Variants in EFR3B observed in about 807,000 individuals in gnomAD.
EFR3B encodes the protein protein EFR3 homolog B.
EFR3B carries 64 observed loss-of-function variants against 104.7 expected under a neutral mutation model. The ratio of observed to expected loss-of-function variants is 0.61; its 90% CI spans 0.50 to 0.75. The LOEUF is 0.75. Among genes scored for constraint, EFR3B ranks in the 30% least tolerant of loss-of-function variants. The pLI is 0.00. For synonymous variants in EFR3B, 385 were observed against 417.9 expected, an observed-to-expected ratio of 0.92 and a Z score of 0.96; for missense variants, 750 against 1,078.5, an observed-to-expected ratio of 0.70 and a Z score of 4.27.
Position 25,130,440 on chromosome 2 carries a change from G to A in EFR3B, c.771-112G>A, listed in dbSNP as rs1299898922. On this transcript the variant is annotated intron_variant, in intron 7 of 22. Coordinates refer to ENST00000403714, the MANE Select transcript of EFR3B (RefSeq NM_014971.2). The surrounding 1 kb of genome is among the most constrained non-coding windows in gnomAD (Gnocchi z 4.6). ...CCCTTCAGGCTTCACTTCCTCACCC[G>A]GGAACTGTGCGAGGGGCTCTGAGAA... 8 of 1,002,952 alleles carry A rather than the reference G, an allele frequency of 8.0e-6. No individual in the cohort carries two copies. The highest frequency in any genetic ancestry group is 2.0e-4 in the Middle Eastern group (1 of 4,956). 62.1% of individuals were successfully genotyped at this position (1,002,952 alleles called of 1,614,324 possible). A position where few individuals can be genotyped will look rare whatever the true frequency, so the allele number is the denominator to read the frequency against.
intron 4 of EFR3B, among the ~76,000 whole-genome samples, chr2:25,108,715 T>C (rs1669633783): frequency 6.6e-6 from 1 of 152,180 alleles, no homozygotes; most frequent in Admixed American, 6.5e-5. Flanking sequence ...ATTTAAAACT[T>C]TGTCTGGGCA....
At chr2:25,127,467 A>G (rs910821646) in intron 5 of EFR3B, among the ~76,000 whole-genome samples, 2 of 152,344 alleles carry the variant, frequency 1.3e-5, no homozygotes, top group Admixed American at 6.5e-5. Flanking sequence ...CAAAGATAAC[A>G]GTGGTAGTGG....
intron 20 of EFR3B, among the ~76,000 whole-genome samples, chr2:25,150,502 GACA>G (rs547470804): frequency 7.0e-4 from 107 of 152,118 alleles, no homozygotes; most frequent in African/African-American, 2.3e-3. Flanking sequence ...TGGATCATTG[GACA>G]ACAACAGATT....
Position 25,129,970 on chromosome 2 carries a change from C to T in EFR3B, c.636-5C>T. ...CCCTCTACCCATGTGCCTCTGTCTC[C>T]CCAGCCGGTCTCCCTCACCCCTCCA... On this transcript the variant is annotated splice_region_variant and splice_polypyrimidine_tract_variant and intron_variant, in intron 6 of 22. Transcript: ENST00000403714. 1 of 1,551,396 alleles carries T rather than the reference C, an allele frequency of 6.4e-7. No individual in the cohort carries two copies.
chr2:25,099,368 C>A (rs532280650), intron 3 of EFR3B, among the ~76,000 whole-genome samples: 1 of 151,998 alleles, frequency 6.6e-6, no homozygotes, highest in Non-Finnish European at 1.5e-5. Context: ...CTCCCATTCA[C>A]CAGAGGAGCT....
In EFR3B at chr2:25,144,972, T is replaced by C; in HGVS notation, c.2063T>C (p.Leu688Ser). 1 of 1,551,722 alleles carries C rather than the reference T, an allele frequency of 6.4e-7. No homozygotes were observed. Among genetic ancestry groups the C allele is most frequent in the Non-Finnish European group, 8.7e-7 (1 of 1,147,000 alleles). Reference sequence around the variant, plus strand: ...GCTTCTTCCCCAGATGAGGATCGTTTATCCAAGAGGAGGAGCATTGGAGAG... The same window carrying C: ...GCTTCTTCCCCAGATGAGGATCGTTCATCCAAGAGGAGGAGCATTGGAGAG... ...YIPQLTDEDR[L>S]SKRRSIGETI... The change falls in exon 19 of 23, where the codon TTA becomes TCA. Residue 688 changes from leucine (L) to serine (S), a missense_variant. Physicochemically the swap from Leu to Ser is moderately radical, Grantham distance 145. Coordinates refer to ENST00000403714, the MANE Select transcript of EFR3B (RefSeq NM_014971.2).
intron 1 of EFR3B, among the ~76,000 whole-genome samples, chr2:25,083,347 G>C (rs1475357698): frequency 6.6e-6 from 1 of 152,170 alleles, no homozygotes; most frequent in African/African-American, 2.4e-5. Context: ...GCATATAGTT[G>C]TGAGTTAAAC....
At chr2:25,098,007 C>T (rs1374321920) in intron 3 of EFR3B, among the ~76,000 whole-genome samples, 1 of 152,108 alleles carries the variant, frequency 6.6e-6, no homozygotes, top group Non-Finnish European at 1.5e-5. Flanking sequence ...GGCCCTGGAG[C>T]TGACCCAGTG....
At position 25,042,746 on chromosome 2, in the gene EFR3B, G is replaced by C. The variant is rs1469265975; in HGVS notation, c.7+427G>C. On this transcript the variant is annotated intron_variant, in intron 1 of 22. Transcript: ENST00000403714. The surrounding 1 kb of genome is among the most constrained non-coding windows in gnomAD (Gnocchi z 5.4). Reference sequence around the variant, plus strand: ...CGCGGCCGGTCGTCTGCGCGGCTCGGAGAAGGCGGGAGGCGGCGCCGGCGG... The same window carrying C: ...CGCGGCCGGTCGTCTGCGCGGCTCGCAGAAGGCGGGAGGCGGCGCCGGCGG... The C allele has an allele frequency of 2.1e-6, 2 of 971,432 alleles. No individual in the cohort carries two copies. Among genetic ancestry groups the C allele is most frequent in the Non-Finnish European group, 2.5e-6 (2 of 816,092 alleles). The allele number at this position is 971,432 out of a possible 1,614,324, so 60.2% of individuals were successfully genotyped here.
intron 1 of EFR3B, among the ~76,000 whole-genome samples, chr2:25,070,388 A>C (rs1227889847): frequency 1.3e-5 from 2 of 152,044 alleles, no homozygotes; most frequent in African/African-American, 4.8e-5. Context: ...CAATCTCCTG[A>C]GTAGCTGGGA....
At position 25,058,776 on chromosome 2, in the gene EFR3B, A is replaced by C. The variant is rs759494686; in HGVS notation, c.7+16457A>C. Reference sequence around the variant, plus strand: ...TCTGTCTCCCCGCGCCCCCCCCCCCAAAAAAAAAAACAATAACCAAGTGTT... The same window carrying C: ...TCTGTCTCCCCGCGCCCCCCCCCCCCAAAAAAAAAACAATAACCAAGTGTT... On this transcript the variant is annotated intron_variant, in intron 1 of 22. Transcript: ENST00000403714. Among the ~76,000 whole-genome samples, 631 of 78,566 alleles carry C rather than the reference A, an allele frequency of 8.0e-3. 13 individuals are homozygous for C. Among genetic ancestry groups the C allele is most frequent in the African/African-American group, 0.035 (534 of 15,450 alleles). 51.5% of individuals were successfully genotyped at this position (78,566 alleles called of 152,430 possible). A position where few individuals can be genotyped will look rare whatever the true frequency, so the allele number is the denominator to read the frequency against.
chr2:25,046,035 G>A (rs1231502470), intron 1 of EFR3B, among the ~76,000 whole-genome samples: 2 of 152,090 alleles, frequency 1.3e-5, no homozygotes, highest in African/African-American at 2.4e-5. Flanking sequence ...AATGCCTCTC[G>A]TCCCGCTTAG....
chr2:25,119,160 G>A (rs553838505), intron 4 of EFR3B, among the ~76,000 whole-genome samples: 1 of 152,266 alleles, frequency 6.6e-6, no homozygotes, highest in East Asian at 1.9e-4. Context: ...AGTAGACATA[G>A]TATATATTTT....
intron 3 of EFR3B, 128 bp from the exon 4 acceptor site, chr2:25,103,509 G>T: frequency 7.6e-7 from 1 of 1,307,234 alleles, no homozygotes. Context: ...GACGTTGGCA[G>T]CCTGTGGGGG....
At chr2:25,124,277 A>AGT (rs5829961) in intron 5 of EFR3B, among the ~76,000 whole-genome samples, 11,211 of 124,170 alleles carry the variant, frequency 0.09, 666 homozygotes, top group Non-Finnish European at 0.12. Flanking sequence ...TGTGCATGCA[A>AGT]GTGTGTGTGT....
rs1669798059 is a variant in EFR3B, at chr2:25,114,123, G to T, written c.364-7550G>T. Among the ~76,000 whole-genome samples, 1 of 152,116 alleles carries T rather than the reference G, an allele frequency of 6.6e-6. No individual in the cohort carries two copies. The highest frequency in any genetic ancestry group is 2.4e-5 in the African/African-American group (1 of 41,406). ...ATTTCAAGGTGGACTTCCGCAATAG[G>T]TGTGGTCCTTTGACCAGGGCCCCCG... On this transcript the variant is annotated intron_variant, in intron 4 of 22. Coordinates refer to ENST00000403714, the MANE Select transcript of EFR3B (RefSeq NM_014971.2). The surrounding 1 kb of genome is among the most constrained non-coding windows in gnomAD (Gnocchi z 4.0).
chr2:25,042,318 C>T lies in EFR3B; in HGVS notation c.6C>T (p.Tyr2=), dbSNP rs996796285. The T allele has an allele frequency of 2.3e-6, 3 of 1,281,222 alleles. No homozygotes were observed. The highest frequency in any genetic ancestry group is 2.4e-5 in the South Asian group (1 of 41,548). 79.4% of individuals were successfully genotyped at this position (1,281,222 alleles called of 1,614,324 possible). Residue 2 remains tyrosine (Y), a splice_region_variant and synonymous_variant, in exon 1 of 23, where the codon TAC becomes TAT. Coordinates refer to ENST00000403714, the MANE Select transcript of EFR3B (RefSeq NM_014971.2). This position sits in a 1 kb window ranked among gnomAD's most constrained non-coding sequence, Gnocchi z 5.4. M[Y]GVCGCCGALR... The stretch of plus-strand genomic sequence containing the variant: ...GAGGCGCGCGCCCCGCCGAGATGTA[C>T]GGTAAGGAGGGCTCCGCGCCCGGGC...
In EFR3B at chr2:25,157,379, G is replaced by GA. The variant is rs1202869273; in HGVS notation, c.*3040dup. 6.6e-6 allele frequency: 1 copy of GA among 152,438 alleles called. No homozygotes were observed. The highest frequency in any genetic ancestry group is 2.4e-5 in the African/African-American group (1 of 41,574). 9.4% of individuals were successfully genotyped at this position (152,438 alleles called of 1,614,324 possible). A position where few individuals can be genotyped will look rare whatever the true frequency, so the allele number is the denominator to read the frequency against. ...CCTCACCCCAGCACAGGCCCTGGGA[G>GA]AGAGGCAAAGCAGTTTGATGGGATC... On this transcript the variant is annotated 3_prime_UTR_variant, in exon 23 of 23. Transcript: ENST00000403714.
At chr2:25,109,932 C>T (rs1669679085) in intron 4 of EFR3B, among the ~76,000 whole-genome samples, 1 of 152,164 alleles carries the variant, frequency 6.6e-6, no homozygotes. Flanking sequence ...TTTGCTTTTA[C>T]TGTGCCACAA....
Sources: gnomAD v4.1 joint callset for allele counts (sites outside exome capture counted in the v4.1 genomes callset) on GRCh38, gnomAD v4.1.1 for gene constraint, Gnocchi (gnomAD v3.1) non-coding constraint, MANE v1.5 for transcripts, NCBI Gene and HGNC (gene_info 2026-07-23, HGNC 2026-07-21) for gene names.